MVB12B: variants seen among roughly 807,000 people sequenced by gnomAD.
MVB12B encodes the protein ESCRT-I complex subunit MVB12B.
Under a neutral mutation model 41.6 loss-of-function variants are expected in MVB12B, and 16 were observed. The observed-to-expected ratio is 0.38, with a 90% CI of 0.26 to 0.58. The LOEUF (loss-of-function observed/expected upper bound fraction) is 0.58. MVB12B is among the 20% of genes least tolerant of loss of function. The pLI, the probability that MVB12B is intolerant of heterozygous loss-of-function variation, is 0.62. For synonymous variants in MVB12B, 133 were observed against 139.7 expected, an observed-to-expected ratio of 0.95 and a Z score of 0.34; for missense variants, 274 against 380.2, an observed-to-expected ratio of 0.72 and a Z score of 2.32.
At chr9:126,494,804 C>A (rs1028042548) in intron 9 of MVB12B, among the ~76,000 whole-genome samples, 1 of 152,046 alleles carries the variant, frequency 6.6e-6, no homozygotes, top group African/African-American at 2.4e-5. Context: ...AATACAAAGA[C>A]TCACTTTTTA....
chr9:126,387,396 C>A (rs1564303190), intron 4 of MVB12B, among the ~76,000 whole-genome samples: 1 of 152,160 alleles, frequency 6.6e-6, no homozygotes, highest in Non-Finnish European at 1.5e-5. Flanking sequence ...ACAGAGAATC[C>A]TTTCATTACG....
chr9:126,411,087 C>T (rs569877104), intron 6 of MVB12B, among the ~76,000 whole-genome samples: 7 of 152,060 alleles, frequency 4.6e-5, no homozygotes, highest in Non-Finnish European at 8.8e-5. Context: ...CGGGGTTTCA[C>T]CATGTTGTTC....
At chr9:126,363,076 A>T (rs1313548013) in intron 2 of MVB12B, among the ~76,000 whole-genome samples, 1 of 151,788 alleles carries the variant, frequency 6.6e-6, no homozygotes, top group Non-Finnish European at 1.5e-5. Context: ...AATCCCAGCT[A>T]CTCAGGAGGC....
At chr9:126,350,256 T>C (rs187481250) in intron 2 of MVB12B, among the ~76,000 whole-genome samples, 1 of 152,328 alleles carries the variant, frequency 6.6e-6, no homozygotes, top group East Asian at 1.9e-4. Flanking sequence ...GTTGGATATG[T>C]GGTTTCCAAA....
At chr9:126,435,304 G>T (rs1453444491) in intron 7 of MVB12B, among the ~76,000 whole-genome samples, 1 of 152,178 alleles carries the variant, frequency 6.6e-6, no homozygotes, top group Non-Finnish European at 1.5e-5. Context: ...TCCAGCCGGG[G>T]ATGGAGAGGG....
At chr9:126,489,400 T>C (rs1346949653) in intron 9 of MVB12B, among the ~76,000 whole-genome samples, 2 of 152,220 alleles carry the variant, frequency 1.3e-5, no homozygotes, top group African/African-American at 4.8e-5. Context: ...CGTGGTTAGA[T>C]GTAGCTGCCC....
At chr9:126,481,163 G>T (rs1833515953) in intron 7 of MVB12B, 2 of 597,144 alleles carry the variant, frequency 3.3e-6, no homozygotes, top group South Asian at 2.0e-5. Flanking sequence ...GGATGACGAG[G>T]CGCCTGCCTC....
At chr9:126,461,080 G>A (rs1170564743) in intron 7 of MVB12B, among the ~76,000 whole-genome samples, 2 of 152,202 alleles carry the variant, frequency 1.3e-5, no homozygotes, top group African/African-American at 4.8e-5. Flanking sequence ...CCAGGTGGGT[G>A]GCAGAGCTAT....
At chr9:126,337,893 C>CCG (rs1443031729) in intron 1 of MVB12B, among the ~76,000 whole-genome samples, 22 of 152,350 alleles carry the variant, frequency 1.4e-4, no homozygotes, top group Non-Finnish European at 2.5e-4. Context: ...GCTTGAGGCT[C>CCG]CGCGCGGCCT....
At chr9:126,488,003 C>T (rs533025907) in intron 9 of MVB12B, among the ~76,000 whole-genome samples, 428 of 152,344 alleles carry the variant, frequency 2.8e-3, no homozygotes, top group Non-Finnish European at 4.7e-3. Flanking sequence ...TTGATGTCCA[C>T]ACACTCTGGC....
intron 9 of MVB12B, among the ~76,000 whole-genome samples, chr9:126,502,827 G>A (rs1243359888): frequency 6.6e-6 from 1 of 152,236 alleles, no homozygotes; most frequent in Non-Finnish European, 1.5e-5. Flanking sequence ...CGCTGGGTGG[G>A]AGGCCATGAC....
rs1419306019 is a variant in MVB12B, at chr9:126,392,227, T to G, written c.539+32T>G. 1 of 1,612,090 alleles carries G rather than the reference T, an allele frequency of 6.2e-7. No individual in the cohort carries two copies. The highest frequency in any genetic ancestry group is 8.5e-7 in the Non-Finnish European group (1 of 1,178,436). ...CTTAATAACAGGACTGTCAGCTGCT[T>G]CTCTTCCCTGAGAGCACTCAGGCCA... On this transcript the variant is annotated intron_variant, in intron 5 of 9. Transcript: ENST00000361171. This position sits in a 1 kb window ranked among gnomAD's most constrained non-coding sequence, Gnocchi z 4.8.
intron 2 of MVB12B, among the ~76,000 whole-genome samples, chr9:126,365,242 T>C (rs545257089): frequency 1.8e-4 from 22 of 121,814 alleles, no homozygotes; most frequent in Non-Finnish European, 3.7e-4. Context: ...TTTTTTTGTA[T>C]TTTTAATAGA....
chr9:126,357,728 A>G (rs1037126753), intron 2 of MVB12B, among the ~76,000 whole-genome samples: 4 of 152,132 alleles, frequency 2.6e-5, no homozygotes, highest in Admixed American at 1.3e-4. Context: ...TTTAAGTACA[A>G]TTCCTTTGTT....
At chr9:126,428,540 TA>T (rs1425447657) in intron 7 of MVB12B, among the ~76,000 whole-genome samples, 6 of 152,020 alleles carry the variant, frequency 3.9e-5, no homozygotes, top group Non-Finnish European at 5.9e-5. Context: ...AAAATAAACT[TA>T]ATACTTTAAT....
At chr9:126,487,291 C>T (rs1890008) in intron 9 of MVB12B, among the ~76,000 whole-genome samples, 98,485 of 152,010 alleles carry the variant, frequency 0.65, 32,053 homozygotes, top group East Asian at 0.88. Flanking sequence ...CTGCCACTGT[C>T]ATCACAGCCA....
chr9:126,356,607 C>T (rs1377765126), intron 2 of MVB12B, among the ~76,000 whole-genome samples: 2 of 151,970 alleles, frequency 1.3e-5, no homozygotes, highest in Admixed American at 6.6e-5. Flanking sequence ...ACAATGCATC[C>T]CTGATTTAGT....
intron 3 of MVB12B, among the ~76,000 whole-genome samples, chr9:126,381,670 T>C (rs976095185): frequency 2.0e-5 from 3 of 151,960 alleles, no homozygotes; most frequent in African/African-American, 4.8e-5. Context: ...GATTTCTCTA[T>C]GCTTTTAAAA....
intron 7 of MVB12B, among the ~76,000 whole-genome samples, chr9:126,425,094 T>G (rs958631271): frequency 2.6e-5 from 4 of 152,186 alleles, no homozygotes; most frequent in African/African-American, 9.7e-5. Context: ...AGTCAGAATA[T>G]GCAGTGATCT....
Sources: allele counts gnomAD v4.1 joint callset (sites outside exome capture counted in the v4.1 genomes callset), GRCh38; gene constraint gnomAD v4.1.1; non-coding constraint Gnocchi (gnomAD v3.1); transcripts MANE v1.5; gene names NCBI Gene and HGNC (gene_info 2026-07-23, HGNC 2026-07-21).